The following NCKAP1L variants were observed in gnomAD, a reference collection of about 807,000 sequenced individuals.
The protein encoded by NCKAP1L is NCK associated protein 1 like.
NCKAP1L carries 53 observed loss-of-function variants against 139.2 expected under a neutral mutation model. The observed-to-expected ratio is 0.38, with a 90% CI of 0.31 to 0.48. NCKAP1L has a LOEUF of 0.48. Ranked by LOEUF, NCKAP1L falls within the 20% of genes least tolerant of loss-of-function variation. NCKAP1L has a pLI of 0.98. For missense variants in NCKAP1L, 1,151 were observed against 1,381.9 expected (o/e 0.83, Z 2.65); for synonymous variants, 468 against 499.7 (o/e 0.94, Z 0.85).
At chr12:54,532,112 T>A in intron 25 of NCKAP1L, 58 bp from the exon 26 acceptor site, 4 of 1,245,898 alleles carry the variant, frequency 3.2e-6, no homozygotes, top group Non-Finnish European at 4.5e-6. Flanking sequence ...TATTTCTACC[T>A]ATTTTTGAAG....
intron 20 of NCKAP1L, among the ~76,000 whole-genome samples, chr12:54,524,300 C>T (rs1346710296): frequency 6.6e-6 from 1 of 152,142 alleles, no homozygotes; most frequent in Non-Finnish European, 1.5e-5. Flanking sequence ...CTTATTTGAA[C>T]CAGTTTCTTT....
chr12:54,504,216 A>G (rs1300296808), intron 3 of NCKAP1L, among the ~76,000 whole-genome samples: 3 of 152,214 alleles, frequency 2.0e-5, no homozygotes, highest in African/African-American at 7.2e-5. Context: ...AAATAATGCA[A>G]ATTTTAGCCC....
chr12:54,531,737 C>T lies in NCKAP1L; in HGVS notation c.2699-6C>T, dbSNP rs1957073342. 1.2e-6 allele frequency: 2 copies of T among 1,610,904 alleles called. No individual in the cohort carries two copies. Among genetic ancestry groups the T allele is most frequent in the Non-Finnish European group, 8.5e-7 (1 of 1,177,294 alleles). Reference sequence around the variant, plus strand: ...TATCTTTTCTAACACGCTTCTTTCTCCTCAGGGGCTGAAAATGTGCTAAAG... The same window carrying T: ...TATCTTTTCTAACACGCTTCTTTCTTCTCAGGGGCTGAAAATGTGCTAAAG... On this transcript the variant is annotated splice_polypyrimidine_tract_variant and splice_region_variant and intron_variant, in intron 24 of 30. Coordinates refer to ENST00000293373, the MANE Select transcript of NCKAP1L (RefSeq NM_005337.5).
At chr12:54,529,974 A>C (rs757613582) in intron 22 of NCKAP1L, among the ~76,000 whole-genome samples, 1 of 152,208 alleles carries the variant, frequency 6.6e-6, no homozygotes, top group Non-Finnish European at 1.5e-5. Context: ...TTGCGGCATT[A>C]TCCAAGTTGA....
At chr12:54,508,326 AAAG>A (rs1212364545) in intron 4 of NCKAP1L, 60 bp from the exon 5 acceptor site, 1 of 1,544,898 alleles carries the variant, frequency 6.5e-7, no homozygotes, top group African/African-American at 1.4e-5. Context: ...GTGGTTGGGG[AAAG>A]AAGGAGATCC....
At chr12:54,540,863 G>A (rs1252770860) in intron 30 of NCKAP1L, among the ~76,000 whole-genome samples, 1 of 152,230 alleles carries the variant, frequency 6.6e-6, no homozygotes, top group Non-Finnish European at 1.5e-5. Flanking sequence ...AACAGAGCTA[G>A]GATCAGGTAC....
intron 30 of NCKAP1L, among the ~76,000 whole-genome samples, chr12:54,542,254 C>G (rs546252149): frequency 6.6e-6 from 1 of 152,246 alleles, no homozygotes; most frequent in Admixed American, 6.5e-5. Flanking sequence ...CTGTGTGCTG[C>G]CCACCCACAT....
intron 1 of NCKAP1L, chr12:54,498,815 C>T (rs1956771539): frequency 1.0e-6 from 1 of 985,164 alleles, no homozygotes; most frequent in Admixed American, 6.2e-5. Flanking sequence ...TAAACTCTAC[C>T]CATCAAGACA....
At chr12:54,518,341 C>CAAAAA (rs200424208) in intron 13 of NCKAP1L, among the ~76,000 whole-genome samples, 1 of 118,410 alleles carries the variant, frequency 8.4e-6, no homozygotes, top group African/African-American at 3.1e-5. Context: ...GACTCTGTCT[C>CAAAAA]AAAAAAAAAA....
At chr12:54,506,283 C>A (rs1057211397) in intron 3 of NCKAP1L, among the ~76,000 whole-genome samples, 25 of 152,058 alleles carry the variant, frequency 1.6e-4, no homozygotes, top group African/African-American at 6.0e-4. Flanking sequence ...TCAGCACTTG[C>A]TATTATTAGA....
chr12:54,525,344 G>A (rs1015531199), intron 20 of NCKAP1L, among the ~76,000 whole-genome samples: 2 of 152,168 alleles, frequency 1.3e-5, no homozygotes, highest in African/African-American at 2.4e-5. Flanking sequence ...TTTCAATTGA[G>A]GTTTTTGCTT....
intron 26 of NCKAP1L, among the ~76,000 whole-genome samples, chr12:54,532,646 C>CACTG (rs1418592554): frequency 6.6e-6 from 1 of 152,138 alleles, no homozygotes; most frequent in Non-Finnish European, 1.5e-5. Context: ...TTCCCACCCA[C>CACTG]CCTGCCTGCC....
At chr12:54,510,696 AT>A (rs1956881363) in intron 7 of NCKAP1L, among the ~76,000 whole-genome samples, 2 of 116,994 alleles carry the variant, frequency 1.7e-5, no homozygotes, top group African/African-American at 3.2e-5. Flanking sequence ...TTTTTTTTGT[AT>A]CTTTAGTAGA....
intron 9 of NCKAP1L, among the ~76,000 whole-genome samples, chr12:54,512,717 C>G (rs1956897969): frequency 6.6e-6 from 1 of 151,744 alleles, no homozygotes; most frequent in South Asian, 2.1e-4. Context: ...CTAGAAAAAC[C>G]TGGAGACAGG....
Position 54,516,960 on chromosome 12 carries a change from T to A in NCKAP1L, c.1063T>A (p.Leu355Met), listed in dbSNP as rs1956937706. The change falls in exon 11 of 31, where the codon TTG becomes ATG. Residue 355 changes from leucine to methionine, a missense_variant. By Grantham distance (15) the Leu-to-Met change is conservative (BLOSUM62 2). Transcript: ENST00000293373. ...GGCAGTGAAGGAGCTGGAGACTGTGTTGGCTGATGAACCGGGACTACTGGG... is the reference window on the plus strand; with the variant it reads ...GGCAGTGAAGGAGCTGGAGACTGTGATGGCTGATGAACCGGGACTACTGGG... ...RMAVKELETVLADEPGLLGPK... is the reference protein window; with the variant it reads ...RMAVKELETVMADEPGLLGPK... 1 of 1,612,670 alleles carries A rather than the reference T, an allele frequency of 6.2e-7. No homozygotes were observed. The highest frequency in any genetic ancestry group is 2.2e-5 in the East Asian group (1 of 44,792).
rs1957200189 is a variant in NCKAP1L at position 54,546,662 on chromosome 12, C to G, written c.*3977C>G. On this transcript the variant is annotated 3_prime_UTR_variant, in exon 31 of 31. Transcript: ENST00000293373. ...CCAGTCCTCCTCCCCACAGGGCCTC[C>G]TGCTTCTCCTAAGTACCTGTCATCA... 1 of 152,208 alleles carries G rather than the reference C, an allele frequency of 6.6e-6. No individual in the cohort carries two copies. Among genetic ancestry groups the G allele is most frequent in the Non-Finnish European group, 1.5e-5 (1 of 68,070 alleles). 9.4% of individuals were successfully genotyped at this position (152,208 alleles called of 1,614,324 possible). A position where few individuals can be genotyped will look rare whatever the true frequency, so the allele number is the denominator to read the frequency against.
chr12:54,530,065 C>T (rs1957055678), intron 22 of NCKAP1L, among the ~76,000 whole-genome samples: 1 of 152,254 alleles, frequency 6.6e-6, no homozygotes. Context: ...CTAACATCTA[C>T]TGTGGACAAG....
At chr12:54,511,186 C>G (rs1435318069) in intron 7 of NCKAP1L, among the ~76,000 whole-genome samples, 1 of 152,196 alleles carries the variant, frequency 6.6e-6, no homozygotes, top group African/African-American at 2.4e-5. Flanking sequence ...GAGTCTTGCT[C>G]TCTTCATTTT....
At chr12:54,506,017 C>T (rs1956837146) in intron 3 of NCKAP1L, among the ~76,000 whole-genome samples, 2 of 152,158 alleles carry the variant, frequency 1.3e-5, no homozygotes, top group African/African-American at 4.8e-5. Context: ...TTTATTTATC[C>T]ATTTACCTGT....
Sources: gnomAD v4.1 joint callset for allele counts (sites outside exome capture counted in the v4.1 genomes callset) on GRCh38, gnomAD v4.1.1 for gene constraint, MANE v1.5 for transcripts, NCBI Gene and HGNC (gene_info 2026-07-23, HGNC 2026-07-21) for gene names.